The following LAMA2 variants were observed in gnomAD, a reference collection of about 807,000 sequenced individuals.
LAMA2 encodes laminin subunit alpha-2.
In LAMA2, 269 loss-of-function variants were observed where a neutral mutation model predicts 364.8. The observed-to-expected ratio is 0.74, with a 90% confidence interval of 0.67 to 0.82. LAMA2 has a LOEUF of 0.82. Ranked by LOEUF, LAMA2 falls within the 40% of genes least tolerant of loss-of-function variation. The pLI, the probability that LAMA2 is intolerant of heterozygous loss-of-function variation, is 0.00. For synonymous variants in LAMA2, 1,379 were observed against 1,370.6 expected, an observed-to-expected ratio of 1.01 and a Z score of -0.14; for missense variants, 3,807 against 3,873.2, an observed-to-expected ratio of 0.98 and a Z score of 0.45.
intron 37 of LAMA2, among the ~76,000 whole-genome samples, chr6:129,399,877 C>T (rs981894091): frequency 6.6e-6 from 1 of 152,136 alleles, no homozygotes; most frequent in Non-Finnish European, 1.5e-5. Flanking sequence ...ATAGTATTTT[C>T]GTAGTCAAGG....
chr6:129,221,169 A>C (rs867343212), intron 12 of LAMA2, among the ~76,000 whole-genome samples: 1 of 151,492 alleles, frequency 6.6e-6, no homozygotes, highest in Non-Finnish European at 1.5e-5. Context: ...TCTCAAAAAA[A>C]AAATAAAAAT....
chr6:129,516,274 A>G lies in LAMA2; in HGVS notation c.9296A>G (p.Lys3099Arg). 1 of 1,614,144 alleles carries G rather than the reference A, an allele frequency of 6.2e-7. No homozygotes were observed. Among genetic ancestry groups the G allele is most frequent in the African/African-American group, 1.3e-5 (1 of 75,056 alleles). ...RSLKLTKGTG[K>R]PLEVNFAKAL... is the part of the protein sequence containing the mutation. The stretch of plus-strand genomic sequence containing the variant: ...CTGAAGCTCACCAAAGGCACAGGCA[A>G]GCCACTGGAGGTTAATTTTGCCAAG... The change falls in exon 65 of 65, where the codon AAG becomes AGG. Residue 3099 changes from lysine to arginine, a missense_variant. Around this residue, in one of 3 missense-constraint regions of LAMA2, gnomAD observed 3,333 missense variants for 3,345.7 expected, o/e 1.00. Transcript: ENST00000421865.
At chr6:129,167,348 T>A (rs1168933887) in intron 9 of LAMA2, among the ~76,000 whole-genome samples, 1 of 136,160 alleles carries the variant, frequency 7.3e-6, no homozygotes, top group Admixed American at 8.3e-5. Context: ...AGTGTGATAT[T>A]CCCCTTCCTG....
At chr6:129,060,365 G>C (rs1049335850) in intron 3 of LAMA2, among the ~76,000 whole-genome samples, 11 of 152,172 alleles carry the variant, frequency 7.2e-5, no homozygotes, top group Admixed American at 7.2e-4. Flanking sequence ...GTTAAACTTG[G>C]GTGACTAAAT....
chr6:129,220,558 T>C (rs79008586), intron 12 of LAMA2, among the ~76,000 whole-genome samples: 164 of 152,358 alleles, frequency 1.1e-3, no homozygotes, highest in African/African-American at 3.7e-3. Context: ...CTGCATAATA[T>C]AGCTAGAAAA....
At chr6:129,088,790 C>G (rs529126557) in intron 3 of LAMA2, among the ~76,000 whole-genome samples, 1 of 151,784 alleles carries the variant, frequency 6.6e-6, no homozygotes, top group Non-Finnish European at 1.5e-5. Flanking sequence ...ACTTCCTAGA[C>G]GGGATGGCGG....
At chr6:129,261,079 C>A (rs1787093058) in intron 15 of LAMA2, among the ~76,000 whole-genome samples, 1 of 152,044 alleles carries the variant, frequency 6.6e-6, no homozygotes, top group Non-Finnish European at 1.5e-5. Context: ...GTCTTTGCTA[C>A]ATATTTGATC....
rs528884580 is a variant in LAMA2, at chr6:129,061,540, C to T, written c.396+1644C>T. ...AACTTGCCTGTTTTTATCAATTCAGCAAGTCAAAGAGTTTACCTGAAAGCC... is the reference window on the plus strand; with the variant it reads ...AACTTGCCTGTTTTTATCAATTCAGTAAGTCAAAGAGTTTACCTGAAAGCC... On this transcript the variant is annotated intron_variant, in intron 3 of 64. Transcript: ENST00000421865. Among the ~76,000 whole-genome samples, 7 of 152,256 alleles carry T rather than the reference C, an allele frequency of 4.6e-5. No individual in the cohort carries two copies. The South Asian group carries it at 1.2e-3, about 27-fold the overall frequency.
rs567736630 is a variant in LAMA2, at chr6:129,252,457, C to A, written c.2096+162C>A. Reference sequence around the variant, plus strand: ...TTTCTGAAAGATTTTTCTCTTAAACCTTTACAGTTTTAAATATGCAGAATA... The same window carrying A: ...TTTCTGAAAGATTTTTCTCTTAAACATTTACAGTTTTAAATATGCAGAATA... On this transcript the variant is annotated intron_variant, in intron 14 of 64. Transcript: ENST00000421865. Among the ~76,000 whole-genome samples the A allele has an allele frequency of 4.5e-4, 68 of 152,174 alleles. 1 individual carries two copies. The highest frequency in any genetic ancestry group is 1.5e-3 in the African/African-American group (62 of 41,522).
At chr6:129,453,615 C>A (rs1348839620) in intron 46 of LAMA2, among the ~76,000 whole-genome samples, 1 of 152,064 alleles carries the variant, frequency 6.6e-6, no homozygotes, top group African/African-American at 2.4e-5. Flanking sequence ...TCTACAAAAG[C>A]CCACCCATAA....
intron 29 of LAMA2, among the ~76,000 whole-genome samples, chr6:129,332,883 ATTTTTTTTTT>A (rs10590805): frequency 9.6e-6 from 1 of 104,386 alleles, no homozygotes; most frequent in Non-Finnish European, 1.8e-5. Context: ...TAAGTTTACC[ATTTTTTTTTT>A]TTTTTTTTTT....
At chr6:129,420,589 C>T (rs1258401447) in intron 40 of LAMA2, among the ~76,000 whole-genome samples, 4 of 151,988 alleles carry the variant, frequency 2.6e-5, no homozygotes, top group Non-Finnish European at 5.9e-5. Context: ...TTTTTAGTTA[C>T]TACTGTCTTT....
chr6:129,246,823 A>G (rs886591185), intron 12 of LAMA2, among the ~76,000 whole-genome samples: 18 of 152,176 alleles, frequency 1.2e-4, no homozygotes, highest in Non-Finnish European at 2.9e-5. Context: ...GAGTGGACAG[A>G]TGGAGAAGAG....
At chr6:129,313,264 G>A (rs1774345541) in intron 23 of LAMA2, among the ~76,000 whole-genome samples, 167 bp downstream of exon 23, 1 of 152,094 alleles carries the variant, frequency 6.6e-6, no homozygotes, top group Admixed American at 6.6e-5. Flanking sequence ...GCATTTGTTG[G>A]CATACCGATA....
At chr6:129,397,266 T>C (rs905636278) in intron 37 of LAMA2, among the ~76,000 whole-genome samples, 8 of 152,200 alleles carry the variant, frequency 5.3e-5, no homozygotes, top group Admixed American at 4.6e-4. Context: ...ACATAGGCCT[T>C]CTTTCTGTTT....
chr6:128,914,426 T>C (rs891579655), intron 1 of LAMA2, among the ~76,000 whole-genome samples: 21 of 152,192 alleles, frequency 1.4e-4, no homozygotes, highest in African/African-American at 4.6e-4. Context: ...AAGAAATACT[T>C]ATAAGGGCTC....
Position 129,310,554 on chromosome 6 carries a change from G to A in LAMA2, c.3175-2307G>A, listed in dbSNP as rs535344033. Among the ~76,000 whole-genome samples the A allele has an allele frequency of 9.2e-5, 14 of 152,246 alleles. No homozygotes were observed. The South Asian group carries it at 2.5e-3, about 27-fold the overall frequency. On this transcript the variant is annotated intron_variant, in intron 22 of 64. Coordinates refer to ENST00000421865, the MANE Select transcript of LAMA2 (RefSeq NM_000426.4). ...TGGTGGCAAACTCAGACAGAGAGAG[G>A]TGATACCCTTTGTAATGCCAAGTCA...
chr6:129,205,470 T>C (rs535966888), intron 12 of LAMA2, among the ~76,000 whole-genome samples: 1 of 127,192 alleles, frequency 7.9e-6, no homozygotes, highest in Non-Finnish European at 1.6e-5. Flanking sequence ...TGGGAATTTA[T>C]TCTGTAAGTA....
intron 1 of LAMA2, among the ~76,000 whole-genome samples, chr6:128,891,786 TTTC>T (rs1443885535): frequency 6.6e-6 from 1 of 152,110 alleles, no homozygotes; most frequent in Non-Finnish European, 1.5e-5. Flanking sequence ...TGCTGCAGTA[TTTC>T]TTTATTCTCA....
Sources: allele counts gnomAD v4.1 joint callset (sites outside exome capture counted in the v4.1 genomes callset), GRCh38; gene constraint gnomAD v4.1.1; regional missense constraint gnomAD v4.1.1; transcripts MANE v1.5; gene names NCBI Gene and HGNC (gene_info 2026-07-23, HGNC 2026-07-21).